Variants in TENM4 observed in about 807,000 individuals in gnomAD.
TENM4 encodes teneurin transmembrane protein 4.
Under a neutral mutation model 243.3 loss-of-function variants are expected in TENM4, and 82 were observed. The ratio of observed to expected loss-of-function variants is 0.34; its 90% CI spans 0.28 to 0.40. The LOEUF (loss-of-function observed/expected upper bound fraction) is 0.40, where lower values mean the gene tolerates loss of function less well. TENM4 is among the 10% of genes least tolerant of loss of function. The probability of loss-of-function intolerance (pLI) is 1.00; values close to 1 mark genes in which losing one functional copy is unlikely to be tolerated. For missense variants in TENM4, 3,138 were observed against 3,673.3 expected (o/e 0.85, Z 3.77); for synonymous variants, 1,412 against 1,456.3 (o/e 0.97, Z 0.69).
chr11:79,185,600 A>G lies in TENM4; in HGVS notation c.-163+30208T>C, dbSNP rs138709636. 1.5e-3 allele frequency among the ~76,000 whole-genome samples: 236 copies of G among 152,268 alleles called. 2 individuals carry two copies. Among genetic ancestry groups the G allele is most frequent in the African/African-American group, 5.3e-3 (221 of 41,554 alleles). ...AATGTGGAATTTTCCACAGAATGCT[A>G]TTTACCATGAGTATTGGCATATACC... On this transcript the variant is annotated intron_variant, in intron 3 of 33. Transcript: ENST00000278550.
At chr11:79,141,316 C>G (rs1292211756) in intron 4 of TENM4, among the ~76,000 whole-genome samples, 1 of 152,104 alleles carries the variant, frequency 6.6e-6, no homozygotes, top group African/African-American at 2.4e-5. Flanking sequence ...GACATTACAA[C>G]TGACACTGCA....
intron 6 of TENM4, among the ~76,000 whole-genome samples, chr11:79,005,520 A>G (rs1201728929): frequency 1.3e-5 from 2 of 152,210 alleles, no homozygotes; most frequent in African/African-American, 4.8e-5. Flanking sequence ...CATCTCAAAG[A>G]GGCAGAAAAG....
At position 78,814,232 on chromosome 11, in the gene TENM4, G is replaced by C. The variant is rs1316696959; in HGVS notation, c.1783+62C>G. 7 of 1,478,606 alleles carry C rather than the reference G, an allele frequency of 4.7e-6. No homozygotes were observed. In the African/African-American group the frequency reaches 9.9e-5, roughly 21 times the overall value. 91.6% of individuals were successfully genotyped at this position (1,478,606 alleles called of 1,614,324 possible). ...GATTCTGCACTTGCTCTGAGAAGTA[G>C]AAGTGAGCTGCCTGAGGGGTCTGGG... On this transcript the variant is annotated intron_variant, in intron 13 of 33. Coordinates refer to ENST00000278550, the MANE Select transcript of TENM4 (RefSeq NM_001098816.3).
intron 2 of TENM4, among the ~76,000 whole-genome samples, chr11:79,231,314 T>C (rs1297349655): frequency 1.3e-5 from 2 of 152,154 alleles, no homozygotes; most frequent in Non-Finnish European, 2.9e-5. Context: ...GAAATAATGT[T>C]CAGTTTCTCT....
intron 6 of TENM4, among the ~76,000 whole-genome samples, chr11:79,052,295 A>G (rs559112738): frequency 9.2e-5 from 14 of 152,182 alleles, no homozygotes; most frequent in Admixed American, 1.3e-4. Flanking sequence ...TTGTTTTTTG[A>G]CTTTTTAGTA....
intron 1 of TENM4, among the ~76,000 whole-genome samples, chr11:79,377,350 G>A (rs1241934274): frequency 2.0e-5 from 3 of 152,196 alleles, no homozygotes; most frequent in Non-Finnish European, 2.9e-5. Context: ...AATGCAGCTG[G>A]CTAGTGGATG....
intron 30 of TENM4, among the ~76,000 whole-genome samples, chr11:78,672,987 C>T (rs12806493): frequency 0.18 from 27,099 of 151,880 alleles, 3,162 homozygotes; most frequent in Middle Eastern, 0.29. Context: ...CATATTCTTC[C>T]CAGAGGTGCT....
At chr11:78,777,898 A>G (rs1856768652) in intron 17 of TENM4, among the ~76,000 whole-genome samples, 1 of 152,216 alleles carries the variant, frequency 6.6e-6, no homozygotes, top group Non-Finnish European at 1.5e-5. Flanking sequence ...TATGTGGCCT[A>G]TTTGGAAAAT....
rs56387690 is a variant in TENM4, at chr11:79,150,133, C to T, written c.-162-1327G>A. On this transcript the variant is annotated intron_variant, in intron 3 of 33. Coordinates refer to ENST00000278550, the MANE Select transcript of TENM4 (RefSeq NM_001098816.3). ...CTGCCCCTCACTCCTCACTCCTGCT[C>T]GGTTCAGCCTTCTTATCATCTTTCA... 8.3e-4 allele frequency among the ~76,000 whole-genome samples: 126 copies of T among 152,174 alleles called. 1 individual carries two copies. The highest frequency in any genetic ancestry group is 2.9e-3 in the African/African-American group (122 of 41,546).
At chr11:79,394,405 G>A (rs995842211) in intron 1 of TENM4, among the ~76,000 whole-genome samples, 1 of 152,112 alleles carries the variant, frequency 6.6e-6, no homozygotes, top group African/African-American at 2.4e-5. Context: ...TCCTCCTTCT[G>A]TCACTTCTAC....
At position 79,020,030 on chromosome 11, in the gene TENM4, C is replaced by T. The variant is rs141352509; in HGVS notation, c.493+44708G>A. Among the ~76,000 whole-genome samples the T allele has an allele frequency of 1.3e-3, 197 of 152,350 alleles. 3 individuals are homozygous for T. The highest frequency in any genetic ancestry group is 9.9e-3 in the Admixed American group (151 of 15,302). On this transcript the variant is annotated intron_variant, in intron 6 of 33. Coordinates refer to ENST00000278550, the MANE Select transcript of TENM4 (RefSeq NM_001098816.3). ...CCTGTTAGCTTTGTGGAGACTGCCA[C>T]GGCTCATTCATTTTCTTATCCCCAC... is the stretch of plus-strand genomic sequence containing the variant.
chr11:79,048,283 T>C lies in TENM4; in HGVS notation c.493+16455A>G, dbSNP rs548601023. Among the ~76,000 whole-genome samples the C allele has an allele frequency of 1.1e-3, 164 of 152,296 alleles. 3 individuals are homozygous for C. The South Asian group carries it at 0.034, about 31-fold the overall frequency. ...TCAGACAAAAAACACAAGAACATTG[T>C]TCAAGCCACACAATGACCAAACACT... On this transcript the variant is annotated intron_variant, in intron 6 of 33. Coordinates refer to ENST00000278550, the MANE Select transcript of TENM4 (RefSeq NM_001098816.3).
intron 2 of TENM4, among the ~76,000 whole-genome samples, chr11:79,267,422 A>G (rs999378668): frequency 6.6e-6 from 1 of 152,216 alleles, no homozygotes; most frequent in African/African-American, 2.4e-5. Flanking sequence ...TTCAGCCCAT[A>G]GTTCTAATTC....
intron 6 of TENM4, among the ~76,000 whole-genome samples, chr11:78,932,373 C>T (rs1401653150): frequency 2.6e-5 from 4 of 152,172 alleles, no homozygotes; most frequent in African/African-American, 9.7e-5. Flanking sequence ...GTCACTCAGT[C>T]TGATGATGCT....
chr11:79,166,317 C>T (rs909595713), intron 3 of TENM4, among the ~76,000 whole-genome samples: 1 of 152,200 alleles, frequency 6.6e-6, no homozygotes, highest in African/African-American at 2.4e-5. Flanking sequence ...TCTGGAAATG[C>T]CAAGGGCATA....
In TENM4 at chr11:78,851,692, C is replaced by T. The variant is rs1216135273; in HGVS notation, c.1681+2412G>A. On this transcript the variant is annotated intron_variant, in intron 12 of 33. Transcript: ENST00000278550. Reference sequence around the variant, plus strand: ...CTTGATGATCATGTCCCTAAACTGTCGTCATCCTATCCGGAGAGAAAAAAG... The same window carrying T: ...CTTGATGATCATGTCCCTAAACTGTTGTCATCCTATCCGGAGAGAAAAAAG... Among the ~76,000 whole-genome samples, 13 of 152,238 alleles carry T rather than the reference C, an allele frequency of 8.5e-5. No homozygotes were observed. The East Asian group carries it at 9.7e-4, about 11-fold the overall frequency.
At chr11:79,228,823 C>G (rs1449918973) in intron 2 of TENM4, among the ~76,000 whole-genome samples, 1 of 152,162 alleles carries the variant, frequency 6.6e-6, no homozygotes, top group Non-Finnish European at 1.5e-5. Context: ...CATATTAACA[C>G]CTTTCATCAG....
At position 78,864,360 on chromosome 11, in the gene TENM4, G is replaced by A. The variant is rs1858906829; in HGVS notation, c.1085-1228C>T. Among the ~76,000 whole-genome samples the A allele has an allele frequency of 5.5e-5, 8 of 146,512 alleles. No homozygotes were observed. In the South Asian group the frequency reaches 1.7e-3, roughly 31 times the overall value. On this transcript the variant is annotated intron_variant, in intron 9 of 33. Coordinates refer to ENST00000278550, the MANE Select transcript of TENM4 (RefSeq NM_001098816.3). ...GAGGCAGGAGAATGAAGTGAACCTG[G>A]GAGGCGGAGCTTGCAGTGAGCCGAG...
At chr11:78,774,566 G>A (rs1411179295) in intron 17 of TENM4, among the ~76,000 whole-genome samples, 3 of 152,150 alleles carry the variant, frequency 2.0e-5, no homozygotes, top group East Asian at 3.9e-4. Context: ...TACTTCTTCC[G>A]TTAGAATGTA....
Sources: gnomAD v4.1 joint callset for allele counts (sites outside exome capture counted in the v4.1 genomes callset) on GRCh38, gnomAD v4.1.1 for gene constraint, MANE v1.5 for transcripts, NCBI Gene and HGNC (gene_info 2026-07-23, HGNC 2026-07-21) for gene names.